Variants in DDX59 observed in about 807,000 individuals in gnomAD.
The protein encoded by DDX59 is probable ATP-dependent RNA helicase DDX59.
DDX59 carries 30 observed loss-of-function variants against 51.9 expected under a neutral mutation model. The observed-to-expected ratio is 0.58, with a 90% CI of 0.43 to 0.78. The LOEUF (loss-of-function observed/expected upper bound fraction) is 0.78. Among genes scored for constraint, DDX59 ranks in the 30% least tolerant of loss-of-function variants. DDX59 has a pLI of 0.00. For synonymous variants in DDX59, 255 were observed against 253.3 expected (o/e 1.01, Z -0.06); for missense variants, 672 against 730.8 (o/e 0.92, Z 0.93).
intron 1 of DDX59, chr1:200,669,442 G>C (rs1663008849): frequency 6.6e-6 from 1 of 152,660 alleles, no homozygotes; most frequent in African/African-American, 2.4e-5. Flanking sequence ...GCTCCTGCTG[G>C]GCGGGACGGC....
At chr1:200,648,050 T>G (rs1661403729) in intron 7 of DDX59, among the ~76,000 whole-genome samples, 5 of 131,324 alleles carry the variant, frequency 3.8e-5, no homozygotes, top group African/African-American at 1.1e-4. Flanking sequence ...GAGGGGGGAA[T>G]GAAGTCTCTG....
chr1:200,652,191 C>T (rs1388571324), intron 4 of DDX59, among the ~76,000 whole-genome samples: 2 of 151,302 alleles, frequency 1.3e-5, no homozygotes, highest in Non-Finnish European at 3.0e-5. Context: ...GTCTTGCTGT[C>T]GCACAGGCTG....
At chr1:200,643,360 T>C (rs1661106000), downstream of DDX59, among the ~76,000 whole-genome samples, 1 of 152,034 alleles carries the variant, frequency 6.6e-6, no homozygotes, top group South Asian at 2.1e-4. Flanking sequence ...TATAAACAAG[T>C]AGGCCAGGCG....
rs377060361 is a variant in DDX59 at position 200,650,654 on chromosome 1, C to T, written c.1085G>A (p.Gly362Asp). Residue 362 changes from glycine to aspartate, a missense_variant, in exon 5 of 8, where the codon GGT becomes GAT. Coordinates refer to ENST00000331314, the MANE Select transcript of DDX59 (RefSeq NM_001031725.6). Reference protein sequence around the residue: ...VDEADTMLKMGFQQQVLDILE... With the variant: ...VDEADTMLKMDFQQQVLDILE... Reference sequence around the variant, plus strand: ...AATGTCAAGCACTTGTTGTTGAAAACCCATCTTTAACATGGTATCAGCCTA... The same window carrying T: ...AATGTCAAGCACTTGTTGTTGAAAATCCATCTTTAACATGGTATCAGCCTA... 5.3e-5 allele frequency: 86 copies of T among 1,611,992 alleles called. No individual in the cohort carries two copies. The highest frequency in any genetic ancestry group is 4.2e-6 in the Non-Finnish European group (5 of 1,178,648).
chr1:200,644,626 T>C (rs1558111310), intron 7 of DDX59, 109 bp from the exon 8 acceptor site: 6 of 1,352,046 alleles, frequency 4.4e-6, no homozygotes, highest in Non-Finnish European at 5.9e-6. Flanking sequence ...CTGGGTGCAG[T>C]GGCTCACGCC....
At chr1:200,650,275 T>A in intron 5 of DDX59, 150 bp downstream of exon 5, 1 of 799,906 alleles carries the variant, frequency 1.3e-6, no homozygotes, top group East Asian at 2.8e-5. Flanking sequence ...ATTTATTTGA[T>A]TCTCATAGAA....
At chr1:200,655,956 G>C (rs944289062) in intron 4 of DDX59, among the ~76,000 whole-genome samples, 2 of 151,980 alleles carry the variant, frequency 1.3e-5, no homozygotes, top group Non-Finnish European at 2.9e-5. Context: ...TCAGCCTCCT[G>C]AGTAGCTGGG....
chr1:200,663,968 C>G lies in DDX59; in HGVS notation c.923G>C (p.Gly308Ala). The G allele has an allele frequency of 6.2e-7, 1 of 1,614,168 alleles. No individual in the cohort carries two copies. The highest frequency in any genetic ancestry group is 8.5e-7 in the Non-Finnish European group (1 of 1,180,032). ...LPRMKTVLLV[G>A]GLPLPPQLYR... ...AAGCTGTGGGGGTAAGGGTAAGCCC[C>G]CTACAAGAAGCACAGTTTTCATGCG... Residue 308 changes from glycine (G) to alanine (A), a missense_variant, in exon 3 of 8, where the codon GGG (glycine) becomes GCG (alanine). Coordinates refer to ENST00000331314, the MANE Select transcript of DDX59 (RefSeq NM_001031725.6).
Position 200,666,456 on chromosome 1 carries a change from G to A in DDX59, c.285C>T (p.Ser95=). 1.2e-6 allele frequency: 2 copies of A among 1,614,142 alleles called. No homozygotes were observed. Among genetic ancestry groups the A allele is most frequent in the South Asian group, 2.2e-5 (2 of 91,066 alleles). Residue 95 remains serine, a synonymous_variant, in exon 2 of 8, where the codon TCC becomes TCT. Transcript: ENST00000331314. ...CTGGTTCTGCCCAGCGCTGTGTTTT[G>A]GAAAATGACTTAACGGGCTCTTCAG... ...HPSEEPVKSF[S]KTQRWAEPGE...
chr1:200,649,225 T>C lies in DDX59; in HGVS notation c.1316A>G (p.Asp439Gly), dbSNP rs1434701482. 40 of 1,560,934 alleles carry C rather than the reference T, an allele frequency of 2.6e-5. No homozygotes were observed. Among genetic ancestry groups the C allele is most frequent in the Non-Finnish European group, 3.1e-5 (36 of 1,163,878 alleles). The change falls in exon 6 of 8, where the codon GAT becomes GGT. Residue 439 changes from aspartate (D) to glycine (G), a missense_variant and splice_region_variant. Transcript: ENST00000331314. The part of the protein sequence containing the change: ...KKKKLFEILN[D>G]KKLFKPPVLV... ...CACTGGAGGCTTAAAGAGTTTCTTATCCTGAAAAATTAAAAACATATATCA... is the reference window on the plus strand; with the variant it reads ...CACTGGAGGCTTAAAGAGTTTCTTACCCTGAAAAATTAAAAACATATATCA...
At chr1:200,661,971 A>G (rs1406077982) in intron 3 of DDX59, among the ~76,000 whole-genome samples, 1 of 151,970 alleles carries the variant, frequency 6.6e-6, no homozygotes, top group Non-Finnish European at 1.5e-5. Context: ...CTAGTTGTTT[A>G]AAAGTGTGTA....
intron 3 of DDX59, among the ~76,000 whole-genome samples, chr1:200,659,755 G>A (rs1158946790): frequency 6.6e-6 from 1 of 152,116 alleles, no homozygotes; most frequent in African/African-American, 2.4e-5. Flanking sequence ...CAGGGAGTGC[G>A]TGGCTCACTG....
chr1:200,655,022 C>T (rs1343082862), intron 4 of DDX59: 1 of 152,082 alleles, frequency 6.6e-6, no homozygotes, highest in African/African-American at 2.4e-5. Context: ...TCATGGATTC[C>T]GATGCCTATT....
At chr1:200,642,920 A>G (rs1558109564), downstream of DDX59, among the ~76,000 whole-genome samples, 1 of 152,224 alleles carries the variant, frequency 6.6e-6, no homozygotes, top group East Asian at 1.9e-4. Context: ...AAGAAGGTCA[A>G]CAGAGACCAC....
At chr1:200,645,346 T>C (rs1661231570) in intron 7 of DDX59, among the ~76,000 whole-genome samples, 1 of 152,152 alleles carries the variant, frequency 6.6e-6, no homozygotes, top group African/African-American at 2.4e-5. Flanking sequence ...TGGTGCAATG[T>C]CGGCTCACTG....
In DDX59 at chr1:200,666,435, T is replaced by C. The variant is rs931787511; in HGVS notation, c.306A>G (p.Glu102=). ...KSFSKTQRWA[E]PGEPICVVCG... ...AGACAACACAGATGGGTTCCCCTGGTTCTGCCCAGCGCTGTGTTTTGGAAA... is the reference window on the plus strand; with the variant it reads ...AGACAACACAGATGGGTTCCCCTGGCTCTGCCCAGCGCTGTGTTTTGGAAA... The change falls in exon 2 of 8, where the codon GAA becomes GAG. Residue 102 remains glutamate (E), a synonymous_variant. Transcript: ENST00000331314. The C allele has an allele frequency of 1.2e-6, 2 of 1,614,132 alleles. No homozygotes were observed. Among genetic ancestry groups the C allele is most frequent in the African/African-American group, 2.7e-5 (2 of 75,030 alleles).
rs146060105 is a variant in DDX59 at position 200,666,490 on chromosome 1, C to G, written c.251G>C (p.Ser84Thr). The change falls in exon 2 of 8, where the codon AGC (serine) becomes ACC (threonine). Residue 84 changes from serine (S) to threonine (T), a missense_variant. Transcript: ENST00000331314. ...CTTAACGGGCTCTTCAGAAGGATGGCTGTCCTTCGCACCCTGCTCGGGACT... is the reference window on the plus strand; with the variant it reads ...CTTAACGGGCTCTTCAGAAGGATGGGTGTCCTTCGCACCCTGCTCGGGACT... ...SVSPEQGAKD[S>T]HPSEEPVKSF... is the part of the protein sequence containing the mutation. The G allele has an allele frequency of 3.2e-3, 5,218 of 1,614,228 alleles. 20 individuals carry two copies. Among genetic ancestry groups the G allele is most frequent in the Middle Eastern group, 0.015 (89 of 6,062 alleles).
At chr1:200,647,218 G>A (rs1661345170) in intron 7 of DDX59, among the ~76,000 whole-genome samples, 1 of 152,184 alleles carries the variant, frequency 6.6e-6, no homozygotes, top group African/African-American at 2.4e-5. Flanking sequence ...AGGGAAGACA[G>A]GTAGCAGTCA....
downstream of DDX59, among the ~76,000 whole-genome samples, chr1:200,643,158 C>T (rs796770014): frequency 1.3e-4 from 20 of 151,370 alleles, no homozygotes; most frequent in Admixed American, 5.3e-4. Flanking sequence ...AGTGAGACAA[C>T]GCCTGTGGTC....
Sources: allele counts gnomAD v4.1 joint callset (sites outside exome capture counted in the v4.1 genomes callset), GRCh38; gene constraint gnomAD v4.1.1; transcripts MANE v1.5; gene names NCBI Gene and HGNC (gene_info 2026-07-23, HGNC 2026-07-21).